The following RPAP3 variants were observed in gnomAD, a reference collection of about 807,000 sequenced individuals.
RPAP3 encodes the protein RNA polymerase II associated protein 3, also known as RNA polymerase II-associated protein 3.
In RPAP3, 58 loss-of-function variants were observed where a neutral mutation model predicts 88.8. That is an observed-to-expected ratio of 0.65 (90% CI 0.53 to 0.81). The LOEUF is 0.81. Ranked by LOEUF, RPAP3 falls within the 40% of genes least tolerant of loss-of-function variation. The pLI is 0.00. For missense variants in RPAP3, 751 were observed against 764.3 expected, an observed-to-expected ratio of 0.98 and a Z score of 0.20; for synonymous variants, 255 against 259.9, an observed-to-expected ratio of 0.98 and a Z score of 0.18.
At chr12:47,669,882 T>C (rs1312934080) in intron 13 of RPAP3, among the ~76,000 whole-genome samples, 1 of 152,122 alleles carries the variant, frequency 6.6e-6, no homozygotes, top group Non-Finnish European at 1.5e-5. Context: ...CAAGATACCT[T>C]CTTATCTTTA....
At chr12:47,697,088 C>T (rs1176797438) in intron 4 of RPAP3, among the ~76,000 whole-genome samples, 1 of 152,180 alleles carries the variant, frequency 6.6e-6, no homozygotes, top group Non-Finnish European at 1.5e-5. Context: ...AAAAGAGTTC[C>T]ACCTTTGTGA....
intron 10 of RPAP3, among the ~76,000 whole-genome samples, chr12:47,680,313 G>C (rs1384733836): frequency 1.3e-5 from 2 of 152,122 alleles, no homozygotes; most frequent in African/African-American, 2.4e-5. Context: ...AGAATGGAGA[G>C]TTATTGTTTA....
intron 1 of RPAP3, among the ~76,000 whole-genome samples, chr12:47,703,889 C>G (rs904942278): frequency 5.9e-5 from 9 of 152,238 alleles, no homozygotes; most frequent in African/African-American, 1.7e-4. Flanking sequence ...AAACAGTGGC[C>G]TAGATTTCTG....
Position 47,669,069 on chromosome 12 carries a change from C to T in RPAP3, c.1560G>A (p.Gln520=). 1 of 1,613,980 alleles carries T rather than the reference C, an allele frequency of 6.2e-7. No individual in the cohort carries two copies. The highest frequency in any genetic ancestry group is 8.5e-7 in the Non-Finnish European group (1 of 1,179,894). The stretch of plus-strand genomic sequence containing the variant: ...CTATGGGCATTTTCTCGCTGTAAGA[C>T]TGACATACATCCTGCTTCAAACTGG... ...PQASLKQDVC[Q]SYSEKMPIEI... is the part of the protein sequence containing the mutation. Residue 520 remains glutamine, a synonymous_variant, in exon 14 of 17, where the codon CAG becomes CAA. Transcript: ENST00000005386.
At chr12:47,681,600 A>G in intron 10 of RPAP3, 96 bp downstream of exon 10, 3 of 1,254,314 alleles carry the variant, frequency 2.4e-6, no homozygotes, top group Non-Finnish European at 3.3e-6. Context: ...CCCTAAGTTC[A>G]GTATCTTTGA....
chr12:47,677,917 C>A lies in RPAP3; in HGVS notation c.1287+1576G>T, dbSNP rs556993728. 1.2e-4 allele frequency among the ~76,000 whole-genome samples: 18 copies of A among 152,150 alleles called. No homozygotes were observed. The South Asian group carries it at 3.7e-3, about 32-fold the overall frequency. ...AAACTACTTTAAAGTTCATATGGAA[C>A]CAAAAAAGAGCCCACATTGCCAAGA... On this transcript the variant is annotated intron_variant, in intron 12 of 16. Transcript: ENST00000005386.
rs764174535 is a variant in RPAP3, at chr12:47,687,931, C to T, written c.809G>A (p.Arg270Gln). 1.1e-5 allele frequency: 17 copies of T among 1,613,512 alleles called. No individual in the cohort carries two copies. The highest frequency in any genetic ancestry group is 3.3e-5 in the South Asian group (3 of 91,066). ...DIVIKSTEGE[R>Q]KQIEAQQNKQ... Reference sequence around the variant, plus strand: ...ATTCTGTTGTGCTTCAATTTGCTTTCGCTCTCCTTCTGTTGACTTAATCAC... The same window carrying T: ...ATTCTGTTGTGCTTCAATTTGCTTTTGCTCTCCTTCTGTTGACTTAATCAC... The change falls in exon 8 of 17, where the codon CGA becomes CAA. Residue 270 changes from arginine to glutamine, a missense_variant. By Grantham distance (43) the Arg-to-Gln change is conservative (BLOSUM62 1). Transcript: ENST00000005386.
At chr12:47,689,771 G>A (rs1249925160) in intron 6 of RPAP3, among the ~76,000 whole-genome samples, 4 of 152,172 alleles carry the variant, frequency 2.6e-5, no homozygotes, top group Non-Finnish European at 4.4e-5. Context: ...GCCGGGCGCA[G>A]TGGCTCACTC....
chr12:47,694,765 A>G (rs1045644659), intron 5 of RPAP3, among the ~76,000 whole-genome samples: 3 of 152,218 alleles, frequency 2.0e-5, no homozygotes, highest in Admixed American at 1.3e-4. Flanking sequence ...TAGTTGAGAA[A>G]TGAAAACCTT....
chr12:47,668,638 T>C (rs964924057), intron 14 of RPAP3, among the ~76,000 whole-genome samples: 6 of 152,168 alleles, frequency 3.9e-5, no homozygotes, highest in Non-Finnish European at 7.4e-5. Flanking sequence ...TCAATGTATT[T>C]TAGGGTTTTT....
intron 5 of RPAP3, among the ~76,000 whole-genome samples, chr12:47,694,792 T>C (rs1319668519): frequency 5.3e-5 from 8 of 152,144 alleles, no homozygotes; most frequent in South Asian, 2.1e-4. Context: ...AGCTGAGAAA[T>C]GCAAAATGTC....
rs776494255 is a variant in RPAP3, at chr12:47,701,514, TTG to T, written c.242_243del (p.Thr81LysfsTer8). 1 of 1,605,676 alleles carries T rather than the reference TTG, an allele frequency of 6.2e-7. No homozygotes were observed. Among genetic ancestry groups the T allele is most frequent in the Non-Finnish European group, 8.5e-7 (1 of 1,176,820 alleles). On this transcript the variant is annotated frameshift_variant, in exon 3 of 17. Transcript: ENST00000005386. LOFTEE classifies it high-confidence loss of function. ...TAATCATAAGATTTTATCCTGTTTT[TTG>T]TGTTTTCCTCTCTGGTTTTTTTGGA... ...ESSKKTREEN[T>X]KNRIKSYDYE...
intron 9 of RPAP3, among the ~76,000 whole-genome samples, chr12:47,682,129 G>A (rs1460610376): frequency 1.3e-5 from 2 of 152,094 alleles, no homozygotes; most frequent in Admixed American, 6.6e-5. Context: ...TCTTCTCCAA[G>A]TCTCAATATG....
Position 47,679,503 on chromosome 12 carries a change from G to A in RPAP3, c.1277C>T (p.Pro426Leu). The change falls in exon 12 of 17, where the codon CCT (proline) becomes CTT (leucine). Residue 426 changes from proline to leucine, a missense_variant. Pro to Leu is a moderately conservative substitution (Grantham distance 98, BLOSUM62 -3). Transcript: ENST00000005386. The part of the protein sequence containing the change: ...VVKPIDNPPH[P>L]GSTKPLKKVI... The stretch of plus-strand genomic sequence containing the variant: ...AAGTGCTTTACTTACAGTTGATCCA[G>A]GATGCGGTGGATTATCAATGGGTTT... 6 of 1,596,114 alleles carry A rather than the reference G, an allele frequency of 3.8e-6. No individual in the cohort carries two copies. Among genetic ancestry groups the A allele is most frequent in the Non-Finnish European group, 5.1e-6 (6 of 1,167,590 alleles).
At chr12:47,705,081 A>G (rs1939758175) in intron 1 of RPAP3, among the ~76,000 whole-genome samples, 1 of 152,192 alleles carries the variant, frequency 6.6e-6, no homozygotes, top group Non-Finnish European at 1.5e-5. Context: ...CTTGTTCTTG[A>G]GCATAGTCTG....
rs759798422 is a variant in RPAP3 at position 47,696,418 on chromosome 12, T to C, written c.418-15A>G. ...TATTTATTGCCCTGAAAGAAAATTA[T>C]ATAAAATGATCTTTTTTACAAATTC... On this transcript the variant is annotated splice_polypyrimidine_tract_variant and intron_variant, in intron 4 of 16. Coordinates refer to ENST00000005386, the MANE Select transcript of RPAP3 (RefSeq NM_024604.3). 11 of 1,535,444 alleles carry C rather than the reference T, an allele frequency of 7.2e-6. No individual in the cohort carries two copies. The East Asian group carries it at 2.6e-4, about 36-fold the overall frequency.
rs1236960435 is a variant in RPAP3, at chr12:47,667,819, A to C, written c.1746T>G (p.Phe582Leu). The change falls in exon 15 of 17, where the codon TTT becomes TTG. Residue 582 changes from phenylalanine (F) to leucine (L), a missense_variant. Physicochemically the swap from Phe to Leu is conservative, Grantham distance 22 (BLOSUM62 0). Transcript: ENST00000005386. ...QIEPSLYPKL[F>L]QKNLDPDVFN... ...ATACATCTGGATCCAGATTTTTCTG[A>C]AACAACTTAGGATACAAAGATGGTT... The C allele has an allele frequency of 1.1e-5, 18 of 1,608,672 alleles. No homozygotes were observed. The highest frequency in any genetic ancestry group is 1.5e-5 in the Non-Finnish European group (18 of 1,176,978).
At chr12:47,681,278 G>A (rs1939216780) in intron 10 of RPAP3, among the ~76,000 whole-genome samples, 1 of 152,096 alleles carries the variant, frequency 6.6e-6, no homozygotes, top group Admixed American at 6.6e-5. Context: ...GTCTCTTTAG[G>A]AGTCAACTTT....
At chr12:47,669,817 C>A (rs975048022) in intron 13 of RPAP3, among the ~76,000 whole-genome samples, 1 of 151,908 alleles carries the variant, frequency 6.6e-6, no homozygotes, top group African/African-American at 2.4e-5. Context: ...TTTTGCTGAA[C>A]TAAATAATAA....
Sources: allele counts gnomAD v4.1 joint callset (sites outside exome capture counted in the v4.1 genomes callset), GRCh38; gene constraint gnomAD v4.1.1; transcripts MANE v1.5; gene names NCBI Gene and HGNC (gene_info 2026-07-23, HGNC 2026-07-21).